Variants in TAF2 observed in about 807,000 individuals in gnomAD.
TAF2 encodes the protein transcription initiation factor TFIID subunit 2.
In TAF2, 61 loss-of-function variants were observed where a neutral mutation model predicts 138.5. That is an observed-to-expected ratio of 0.44 (90% CI 0.36 to 0.54). TAF2 has a LOEUF of 0.54. TAF2 is among the 20% of genes least tolerant of loss of function. The pLI is 0.00. For missense variants in TAF2, 1,090 were observed against 1,427.9 expected (o/e 0.76, Z 3.81); for synonymous variants, 475 against 469.9 (o/e 1.01, Z -0.14).
chr8:119,792,969 T>C (rs1175864452), intron 10 of TAF2, among the ~76,000 whole-genome samples: 3 of 152,066 alleles, frequency 2.0e-5, no homozygotes, highest in African/African-American at 4.8e-5. Context: ...TTTGGTATAG[T>C]AGAATAAACA....
chr8:119,755,598 T>TTA (rs1226729073), intron 22 of TAF2, among the ~76,000 whole-genome samples: 5 of 152,318 alleles, frequency 3.3e-5, no homozygotes, highest in African/African-American at 1.2e-4. Flanking sequence ...AGTCTGTATG[T>TTA]TATTCTATAT....
intron 3 of TAF2, 66 bp from the exon 4 acceptor site, chr8:119,806,467 T>TC: frequency 8.5e-7 from 1 of 1,171,034 alleles, no homozygotes; most frequent in East Asian, 2.5e-5. Context: ...TTTTCTTTCT[T>TC]TCTTTTTTTT....
chr8:119,779,297 T>C (rs974747678), intron 17 of TAF2, among the ~76,000 whole-genome samples: 1 of 149,750 alleles, frequency 6.7e-6, no homozygotes, highest in Non-Finnish European at 1.5e-5. Flanking sequence ...ATGCAACGTA[T>C]ACAAATTTAA....
chr8:119,805,693 G>GA (rs1216328413), intron 4 of TAF2, among the ~76,000 whole-genome samples: 1 of 151,220 alleles, frequency 6.6e-6, no homozygotes, highest in Non-Finnish European at 1.5e-5. Flanking sequence ...CAACAAGAGC[G>GA]AAACTCCGTC....
rs10636618 is a variant in TAF2, at chr8:119,779,249, GACACAC to G, written c.2254-1126_2254-1121del. Among the ~76,000 whole-genome samples the G allele has an allele frequency of 1.1e-3, 166 of 147,376 alleles. 1 individual carries two copies. Among genetic ancestry groups the G allele is most frequent in the African/African-American group, 3.6e-3 (145 of 39,838 alleles). ...AAATACATTTTGTAACACAACCTAA[GACACAC>G]ACACACACACACACACACACACACA... On this transcript the variant is annotated intron_variant, in intron 17 of 25. Transcript: ENST00000378164.
chr8:119,804,664 A>T lies in TAF2; in HGVS notation c.419-645T>A, dbSNP rs115911973. 6.4e-3 allele frequency among the ~76,000 whole-genome samples: 979 copies of T among 152,266 alleles called. 14 individuals are homozygous for T. The highest frequency in any genetic ancestry group is 0.023 in the African/African-American group (935 of 41,554). On this transcript the variant is annotated intron_variant, in intron 4 of 25. Transcript: ENST00000378164. The stretch of plus-strand genomic sequence containing the variant: ...ATTGTGAGGTCTCCCCAGCCATGTC[A>T]AACTATAAGTTCATTAAACCTCTTT...
chr8:119,824,517 G>A (rs1225667704), intron 2 of TAF2, among the ~76,000 whole-genome samples: 1 of 152,178 alleles, frequency 6.6e-6, no homozygotes, highest in African/African-American at 2.4e-5. Context: ...ACAGGGAGCT[G>A]AATGTTAATC....
chr8:119,782,247 T>C (rs1409331591), intron 16 of TAF2, among the ~76,000 whole-genome samples: 1 of 152,186 alleles, frequency 6.6e-6, no homozygotes, highest in African/African-American at 2.4e-5. Flanking sequence ...AAGCATGCTT[T>C]ACAAAAGCAT....
chr8:119,734,892 G>A (rs1819123507), intron 25 of TAF2, among the ~76,000 whole-genome samples: 1 of 152,132 alleles, frequency 6.6e-6, no homozygotes, highest in Non-Finnish European at 1.5e-5. Context: ...CAACCTAAAG[G>A]AAGAAATAAG....
intron 9 of TAF2, 24 bp from the exon 10 acceptor site, chr8:119,793,475 G>C (rs767542249): frequency 6.4e-7 from 1 of 1,571,812 alleles, no homozygotes. Context: ...AAAAATAGGA[G>C]TCAGTAAAAT....
chr8:119,788,589 C>A, intron 13 of TAF2, 142 bp from the exon 14 acceptor site: 1 of 580,238 alleles, frequency 1.7e-6, no homozygotes, highest in South Asian at 1.7e-5. Flanking sequence ...CAATTGGTGC[C>A]AAAGAGGGCA....
chr8:119,775,454 G>A (rs1054602470), intron 18 of TAF2, among the ~76,000 whole-genome samples: 1 of 151,988 alleles, frequency 6.6e-6, no homozygotes, highest in Non-Finnish European at 1.5e-5. Context: ...TGTAATCCTA[G>A]CACTTTGAGA....
In TAF2 at chr8:119,789,490, T is replaced by C. The variant is rs1156248140; in HGVS notation, c.1568+102A>G. 14 of 1,367,408 alleles carry C rather than the reference T, an allele frequency of 1.0e-5. No homozygotes were observed. In the East Asian group the frequency reaches 2.5e-4, roughly 25 times the overall value. The allele number at this position is 1,367,408 out of a possible 1,614,324, so 84.7% of individuals were successfully genotyped here. ...ATTGTTTAGAAATATAAACAGTTCA[T>C]ACTTCCTTGAGTCCCCCTCAAACCT... On this transcript the variant is annotated intron_variant, in intron 12 of 25. Transcript: ENST00000378164.
intron 3 of TAF2, among the ~76,000 whole-genome samples, chr8:119,817,446 T>C (rs1476021084): frequency 6.6e-6 from 1 of 152,218 alleles, no homozygotes; most frequent in South Asian, 2.1e-4. Context: ...GAGGTGGAAG[T>C]TTCATCCAAA....
chr8:119,775,577 C>A (rs933978571), intron 18 of TAF2, among the ~76,000 whole-genome samples: 14 of 151,702 alleles, frequency 9.2e-5, no homozygotes, highest in Admixed American at 6.6e-5. Flanking sequence ...GGGGTATGTG[C>A]CTATAGTCCC....
chr8:119,760,051 T>C (rs1409538106), intron 20 of TAF2, among the ~76,000 whole-genome samples: 1 of 152,134 alleles, frequency 6.6e-6, no homozygotes, highest in Non-Finnish European at 1.5e-5. Flanking sequence ...TATTCTGTTG[T>C]TTCTTGGATT....
chr8:119,828,795 C>A (rs6994085), intron 2 of TAF2, among the ~76,000 whole-genome samples: 45,226 of 152,026 alleles, frequency 0.3, 7,783 homozygotes, highest in African/African-American at 0.47. Flanking sequence ...ACTGTCATCT[C>A]TCACACTAAC....
chr8:119,792,461 C>G (rs1275670898), intron 10 of TAF2, among the ~76,000 whole-genome samples: 1 of 152,030 alleles, frequency 6.6e-6, no homozygotes, highest in Non-Finnish European at 1.5e-5. Context: ...AGAAGAATTT[C>G]TACATGATCA....
At chr8:119,758,522 C>T (rs975440967) in intron 20 of TAF2, among the ~76,000 whole-genome samples, 1 of 152,122 alleles carries the variant, frequency 6.6e-6, no homozygotes, top group African/African-American at 2.4e-5. Flanking sequence ...AGGTTTGACA[C>T]TCAATGGTAT....
Sources: allele counts gnomAD v4.1 joint callset (sites outside exome capture counted in the v4.1 genomes callset), GRCh38; gene constraint gnomAD v4.1.1; transcripts MANE v1.5; gene names NCBI Gene and HGNC (gene_info 2026-07-23, HGNC 2026-07-21).